The following CAMK1G variants were observed in gnomAD, a reference collection of about 807,000 sequenced individuals.
The protein encoded by CAMK1G is calcium/calmodulin dependent protein kinase IG.
Under a neutral mutation model 54.8 loss-of-function variants are expected in CAMK1G, and 27 were observed. The ratio of observed to expected loss-of-function variants is 0.49; its 90% CI spans 0.36 to 0.68. The LOEUF is 0.68. CAMK1G is among the 30% of genes least tolerant of loss of function. The pLI, the probability that CAMK1G is intolerant of heterozygous loss-of-function variation, is 0.00. For synonymous variants in CAMK1G, 238 were observed against 224.9 expected (o/e 1.06, Z -0.52); for missense variants, 512 against 591.0 (o/e 0.87, Z 1.39).
At chr1:209,604,450 C>A (rs1256207730) in intron 4 of CAMK1G, among the ~76,000 whole-genome samples, 1 of 152,204 alleles carries the variant, frequency 6.6e-6, no homozygotes, top group Non-Finnish European at 1.5e-5. Flanking sequence ...ATTCATAGCT[C>A]TGTACAAAGA....
At chr1:209,584,328 G>T (rs761551075) in intron 1 of CAMK1G, among the ~76,000 whole-genome samples, 1 of 152,176 alleles carries the variant, frequency 6.6e-6, no homozygotes, top group Non-Finnish European at 1.5e-5. Flanking sequence ...TAAGGAAGAC[G>T]AGTCAGCCTC....
intron 9 of CAMK1G, 113 bp from the exon 10 acceptor site, chr1:209,611,351 CT>C: frequency 1.1e-6 from 1 of 871,894 alleles, no homozygotes; most frequent in East Asian, 2.7e-5. Flanking sequence ...TGTGGGCTGT[CT>C]TTCCTCTGCA....
chr1:209,585,581 G>A (rs1479741591), intron 1 of CAMK1G, among the ~76,000 whole-genome samples: 1 of 152,194 alleles, frequency 6.6e-6, no homozygotes, highest in Non-Finnish European at 1.5e-5. Context: ...AAAGGTGGCC[G>A]TGGGGCATTA....
At chr1:209,599,542 G>A (rs2102387906) in intron 2 of CAMK1G, among the ~76,000 whole-genome samples, 1 of 152,270 alleles carries the variant, frequency 6.6e-6, no homozygotes, top group East Asian at 1.9e-4. Context: ...ACCTATCAAG[G>A]ACATTTGTGT....
chr1:209,611,918 C>T lies in CAMK1G; in HGVS notation c.1042C>T (p.Pro348Ser). 1.9e-6 allele frequency: 3 copies of T among 1,614,272 alleles called. No homozygotes were observed. Among genetic ancestry groups the T allele is most frequent in the Non-Finnish European group, 2.5e-6 (3 of 1,180,060 alleles). The change falls in exon 11 of 13, where the codon CCC (proline) becomes TCC (serine). Residue 348 changes from proline (P) to serine (S), a missense_variant. Pro to Ser is a moderately conservative substitution (Grantham distance 74). This residue lies in a region of CAMK1G where 315 missense variants were observed against 330.5 expected (regional missense o/e 0.95). Coordinates refer to ENST00000361322, the MANE Select transcript of CAMK1G (RefSeq NM_020439.3). ...AACTCAAGCCTCAGAAACCTCTAGA[C>T]CCAGCTCCCCTGAGATCACCATCAC... ...PETQASETSR[P>S]SSPEITITEA...
intron 7 of CAMK1G, among the ~76,000 whole-genome samples, chr1:209,608,515 G>GTTGA (rs1665704701): frequency 6.6e-6 from 1 of 152,096 alleles, no homozygotes; most frequent in Admixed American, 6.5e-5. Flanking sequence ...CTCCATTTAT[G>GTTGA]TTGAATAAGT....
intron 2 of CAMK1G, among the ~76,000 whole-genome samples, chr1:209,597,134 G>C (rs1665409834): frequency 6.6e-6 from 1 of 152,186 alleles, no homozygotes; most frequent in South Asian, 2.1e-4. Flanking sequence ...ACCACAGTGG[G>C]GCATGGTGGA....
At chr1:209,592,517 C>T (rs1340132182) in intron 1 of CAMK1G, among the ~76,000 whole-genome samples, 1 of 152,114 alleles carries the variant, frequency 6.6e-6, no homozygotes, top group African/African-American at 2.4e-5. Flanking sequence ...CCTCCTCCCT[C>T]GAGGCCTCCC....
At chr1:209,609,364 G>A (rs538210374) in intron 8 of CAMK1G, among the ~76,000 whole-genome samples, 86 of 152,332 alleles carry the variant, frequency 5.6e-4, no homozygotes, top group Non-Finnish European at 8.8e-4. Context: ...GGCCAGGAGG[G>A]CAGAGCCAGG....
At chr1:209,602,841 A>G (rs532884083) in intron 3 of CAMK1G, among the ~76,000 whole-genome samples, 1 of 152,324 alleles carries the variant, frequency 6.6e-6, no homozygotes, top group East Asian at 1.9e-4. Context: ...TTTAAGTGCA[A>G]TATTTCTAAC....
rs115476821 is a variant in CAMK1G at position 209,613,266 on chromosome 1, C to T, written c.*264C>T. The T allele has an allele frequency of 4.3e-3, 987 of 229,444 alleles. 7 individuals carry two copies. Among genetic ancestry groups the T allele is most frequent in the African/African-American group, 0.02 (896 of 45,250 alleles). 14.2% of individuals were successfully genotyped at this position (229,444 alleles called of 1,614,324 possible). A position where few individuals can be genotyped will look rare whatever the true frequency, so the allele number is the denominator to read the frequency against. ...GCGGTGCCCACCAGCTTCCAGGTCT[C>T]CCTGACCTGCCTGCTCTATGCCCCA... On this transcript the variant is annotated 3_prime_UTR_variant, in exon 13 of 13. Coordinates refer to ENST00000361322, the MANE Select transcript of CAMK1G (RefSeq NM_020439.3).
At chr1:209,607,331 C>T (rs1046238270) in intron 6 of CAMK1G, among the ~76,000 whole-genome samples, 2 of 152,174 alleles carry the variant, frequency 1.3e-5, no homozygotes, top group African/African-American at 4.8e-5. Flanking sequence ...ATGGGACAGA[C>T]TAAATGCCTC....
chr1:209,611,376 T>A (rs879454554), intron 9 of CAMK1G, 89 bp from the exon 10 acceptor site: 31 of 1,150,278 alleles, frequency 2.7e-5, no homozygotes, highest in Non-Finnish European at 4.0e-5. Flanking sequence ...TCTACCCAGC[T>A]CTCACCTAGA....
chr1:209,591,087 G>A lies in CAMK1G; in HGVS notation c.-29-3868G>A, dbSNP rs374556656. 1.1e-3 allele frequency among the ~76,000 whole-genome samples: 160 copies of A among 151,798 alleles called. 1 individual carries two copies. The highest frequency in any genetic ancestry group is 3.6e-3 in the African/African-American group (147 of 41,370). On this transcript the variant is annotated intron_variant, in intron 1 of 12. Coordinates refer to ENST00000361322, the MANE Select transcript of CAMK1G (RefSeq NM_020439.3). Reference sequence around the variant, plus strand: ...GGGCATCTGGCTAAAGATATCCCCCGACTCTTATATTCTATCTTCCTCAGA... The same window carrying A: ...GGGCATCTGGCTAAAGATATCCCCCAACTCTTATATTCTATCTTCCTCAGA...
Position 209,591,730 on chromosome 1 carries a change from C to G in CAMK1G, c.-29-3225C>G, listed in dbSNP as rs529164202. On this transcript the variant is annotated intron_variant, in intron 1 of 12. Transcript: ENST00000361322. ...CAGACTTCTTAGACTTATCAGGGAC[C>G]CTGGATTCCACAGTCCTCTGGATCT... Among the ~76,000 whole-genome samples, 65 of 152,218 alleles carry G rather than the reference C, an allele frequency of 4.3e-4. 1 individual carries two copies. The South Asian group carries it at 0.012, about 27-fold the overall frequency.
At chr1:209,586,474 A>G (rs1665104232) in intron 1 of CAMK1G, among the ~76,000 whole-genome samples, 1 of 152,154 alleles carries the variant, frequency 6.6e-6, no homozygotes, top group African/African-American at 2.4e-5. Flanking sequence ...CAGTGAGATG[A>G]GATGCTCACA....
Position 209,590,452 on chromosome 1 carries a change from G to A in CAMK1G, c.-29-4503G>A, listed in dbSNP as rs114315558. On this transcript the variant is annotated intron_variant, in intron 1 of 12. Transcript: ENST00000361322. Reference sequence around the variant, plus strand: ...GATGGAACTAAATGGTTAGGATTCAGTGTATGGGAGGAGGAGTGGGCGGGA... The same window carrying A: ...GATGGAACTAAATGGTTAGGATTCAATGTATGGGAGGAGGAGTGGGCGGGA... Among the ~76,000 whole-genome samples the A allele has an allele frequency of 3.3e-3, 510 of 152,350 alleles. 4 individuals carry two copies. Among genetic ancestry groups the A allele is most frequent in the African/African-American group, 0.011 (470 of 41,586 alleles).
Position 209,612,851 on chromosome 1 carries a change from G to C in CAMK1G, c.1407G>C (p.Gln469His), listed in dbSNP as rs751998428. Residue 469 changes from glutamine to histidine, a missense_variant, in exon 12 of 13, where the codon CAG becomes CAC. Gln to His is a conservative substitution (Grantham distance 24). Around this residue, in one of 3 missense-constraint regions of CAMK1G, gnomAD observed 315 missense variants for 330.5 expected, o/e 0.95. Coordinates refer to ENST00000361322, the MANE Select transcript of CAMK1G (RefSeq NM_020439.3). ...GCAGCTCCCACTGCCGGGCAGGGCA[G>C]ACTGGAGTCTGTCTCATTATGTGAT... ...ASGSSHCRAG[Q>H]TGVCLIM The C allele has an allele frequency of 6.8e-6, 11 of 1,613,398 alleles. No homozygotes were observed. Among genetic ancestry groups the C allele is most frequent in the Non-Finnish European group, 9.3e-6 (11 of 1,179,410 alleles).
intron 4 of CAMK1G, among the ~76,000 whole-genome samples, chr1:209,604,067 C>A (rs1254720645): frequency 6.6e-6 from 1 of 152,208 alleles, no homozygotes; most frequent in Non-Finnish European, 1.5e-5. Flanking sequence ...CATGCACAGA[C>A]ATACACGCAC....
Sources: allele counts gnomAD v4.1 joint callset (sites outside exome capture counted in the v4.1 genomes callset), GRCh38; gene constraint gnomAD v4.1.1; regional missense constraint gnomAD v4.1.1; transcripts MANE v1.5; gene names NCBI Gene and HGNC (gene_info 2026-07-23, HGNC 2026-07-21).